Variants in DAD1 observed in about 807,000 individuals in gnomAD.
DAD1 encodes the protein dolichyl-diphosphooligosaccharide--protein glycosyltransferase subunit DAD1.
A neutral mutation model predicts 9.0 loss-of-function variants in DAD1; 4 were observed. That is an observed-to-expected ratio of 0.44 (90% confidence interval 0.22 to 1.01). The LOEUF (loss-of-function observed/expected upper bound fraction) is 1.01, where lower values mean the gene tolerates loss of function less well. Among genes scored for constraint, DAD1 ranks in the 50% least tolerant of loss-of-function variants. The pLI is 0.24. For synonymous variants in DAD1, 60 were observed against 62.5 expected (o/e 0.96, Z 0.19); for missense variants, 119 against 137.3 (o/e 0.87, Z 0.67).
intron 2 of DAD1, 68 bp from the exon 3 acceptor site, chr14:22,565,205 C>G: frequency 1.4e-6 from 1 of 695,928 alleles, no homozygotes; most frequent in South Asian, 1.5e-5. Flanking sequence ...ATCCTTCCAT[C>G]TAAATTCTAA....
At chr14:22,586,044 A>T (rs1173566021) in intron 1 of DAD1, among the ~76,000 whole-genome samples, 3 of 152,110 alleles carry the variant, frequency 2.0e-5, no homozygotes, top group Non-Finnish European at 4.4e-5. Flanking sequence ...GTCTCCACTA[A>T]AAATACAAAA....
intron 2 of DAD1, among the ~76,000 whole-genome samples, chr14:22,567,833 C>G (rs2037011469): frequency 6.6e-6 from 1 of 152,168 alleles, no homozygotes; most frequent in Non-Finnish European, 1.5e-5. Context: ...CTCCATTTCT[C>G]CTGGACCATA....
At chr14:22,576,820 T>C (rs2037080541) in intron 1 of DAD1, among the ~76,000 whole-genome samples, 1 of 152,158 alleles carries the variant, frequency 6.6e-6, no homozygotes, top group Non-Finnish European at 1.5e-5. Context: ...AGGACTTGAA[T>C]AGACATTTCC....
At chr14:22,586,406 G>A (rs1174956191) in intron 1 of DAD1, among the ~76,000 whole-genome samples, 3 of 152,212 alleles carry the variant, frequency 2.0e-5, no homozygotes, top group South Asian at 4.2e-4. Flanking sequence ...TTCGCCGGGC[G>A]TGGTGGCACA....
intron 1 of DAD1, among the ~76,000 whole-genome samples, chr14:22,584,651 CAT>C (rs1485313863): frequency 6.6e-6 from 1 of 152,048 alleles, no homozygotes; most frequent in African/African-American, 2.4e-5. Context: ...TAGTTTGACA[CAT>C]GAGAGTGTTC....
At chr14:22,582,240 C>A (rs763783707) in intron 1 of DAD1, among the ~76,000 whole-genome samples, 1 of 150,440 alleles carries the variant, frequency 6.6e-6, no homozygotes, top group African/African-American at 2.5e-5. Flanking sequence ...ATAGGCCAGG[C>A]GCAGTGGCTC....
At chr14:22,582,511 G>A (rs930491663) in intron 1 of DAD1, among the ~76,000 whole-genome samples, 7 of 152,070 alleles carry the variant, frequency 4.6e-5, no homozygotes, top group Non-Finnish European at 4.4e-5. Context: ...GCAACAGAGC[G>A]AGACTCCGTC....
At chr14:22,568,353 T>C (rs2037015004) in intron 2 of DAD1, among the ~76,000 whole-genome samples, 1 of 152,390 alleles carries the variant, frequency 6.6e-6, no homozygotes, top group East Asian at 1.9e-4. Flanking sequence ...GTTTACTTTT[T>C]GTAAAAGGCT....
chr14:22,579,717 G>A (rs2037102368), intron 1 of DAD1, among the ~76,000 whole-genome samples: 1 of 151,884 alleles, frequency 6.6e-6, no homozygotes, highest in Non-Finnish European at 1.5e-5. Context: ...AAACATCAAG[G>A]GGATTAAACT....
At chr14:22,587,988 G>A (rs5742737) in intron 1 of DAD1, among the ~76,000 whole-genome samples, 29,670 of 151,990 alleles carry the variant, frequency 0.2, 3,088 homozygotes, top group South Asian at 0.27. Context: ...TGCCTACCTC[G>A]GCCTCCCAAA....
intron 2 of DAD1, among the ~76,000 whole-genome samples, chr14:22,572,374 TA>T (rs2037047337): frequency 1.3e-5 from 2 of 150,818 alleles, no homozygotes; most frequent in Non-Finnish European, 2.9e-5. Flanking sequence ...AAGGAGCAAA[TA>T]AATGTATATT....
intron 2 of DAD1, among the ~76,000 whole-genome samples, chr14:22,569,987 A>G (rs977910797): frequency 6.6e-6 from 1 of 152,122 alleles, no homozygotes; most frequent in African/African-American, 2.4e-5. Context: ...TATATAATTA[A>G]TCTCACCTTC....
intron 2 of DAD1, among the ~76,000 whole-genome samples, chr14:22,572,902 G>A (rs746270131): frequency 1.3e-5 from 2 of 152,146 alleles, no homozygotes; most frequent in Admixed American, 6.5e-5. Context: ...ATTTGCAAGC[G>A]TGAGAAGGTC....
At chr14:22,566,276 T>A (rs973948179) in intron 2 of DAD1, among the ~76,000 whole-genome samples, 2 of 151,162 alleles carry the variant, frequency 1.3e-5, no homozygotes, top group African/African-American at 4.9e-5. Context: ...ACCTATTCAT[T>A]CCATCAAATT....
chr14:22,575,215 ATCTGTATTC>A lies in DAD1; in HGVS notation c.221_229del (p.Arg74_Gln76del). 1 of 1,614,040 alleles carries A rather than the reference ATCTGTATTC, an allele frequency of 6.2e-7. No individual in the cohort carries two copies. The highest frequency in any genetic ancestry group is 8.5e-7 in the Non-Finnish European group (1 of 1,180,002). ...GAAATCCGCTTTGTTCTGTGGGTTG[ATCTGTATTC>A]TCAGGCAAACTGCACAAGAAGCAAA... On this transcript the variant is annotated inframe_deletion, in exon 2 of 3. Coordinates refer to ENST00000250498, the MANE Select transcript of DAD1 (RefSeq NM_001344.4).
At chr14:22,582,201 G>A (rs1268101737) in intron 1 of DAD1, among the ~76,000 whole-genome samples, 1 of 139,458 alleles carries the variant, frequency 7.2e-6, no homozygotes, top group Non-Finnish European at 1.5e-5. Context: ...GTGAGACTGC[G>A]TCTCAAAAAA....
chr14:22,571,587 G>T (rs1015113453), intron 2 of DAD1, among the ~76,000 whole-genome samples: 6 of 148,672 alleles, frequency 4.0e-5, no homozygotes, highest in African/African-American at 1.5e-4. Flanking sequence ...TGATCACCTG[G>T]ATAGATACAT....
intron 1 of DAD1, among the ~76,000 whole-genome samples, chr14:22,578,850 T>C (rs2037096122): frequency 6.6e-6 from 1 of 152,188 alleles, no homozygotes; most frequent in Non-Finnish European, 1.5e-5. Flanking sequence ...ACCTAGAGGC[T>C]TTCTCAAAGA....
chr14:22,576,108 A>C (rs1169529952), intron 1 of DAD1, among the ~76,000 whole-genome samples: 1 of 152,016 alleles, frequency 6.6e-6, no homozygotes, highest in Non-Finnish European at 1.5e-5. Context: ...CGATCCTCCC[A>C]CCTCAGCCTC....
Sources: gnomAD v4.1 joint callset for allele counts (sites outside exome capture counted in the v4.1 genomes callset) on GRCh38, gnomAD v4.1.1 for gene constraint, MANE v1.5 for transcripts, NCBI Gene and HGNC (gene_info 2026-07-23, HGNC 2026-07-21) for gene names.